Variants in SHOC2 observed in about 807,000 individuals in gnomAD.
SHOC2 encodes the protein SHOC2 leucine rich repeat scaffold protein.
A neutral mutation model predicts 50.2 loss-of-function variants in SHOC2; 4 were observed. The ratio of observed to expected loss-of-function variants is 0.08; its 90% CI spans 0.04 to 0.18. The LOEUF (loss-of-function observed/expected upper bound fraction) is 0.18. Among genes scored for constraint, SHOC2 ranks in the 10% least tolerant of loss-of-function variants. SHOC2 has a pLI of 1.00. For synonymous variants in SHOC2, 218 were observed against 244.5 expected (o/e 0.89, Z 1.01); for missense variants, 388 against 669.6 (o/e 0.58, Z 4.64).
At chr10:110,971,115 A>G (rs1847773412) in intron 2 of SHOC2, among the ~76,000 whole-genome samples, 1 of 152,078 alleles carries the variant, frequency 6.6e-6, no homozygotes, top group Non-Finnish European at 1.5e-5. Context: ...TACCCATAAA[A>G]TCTTTGCCCA....
At chr10:110,992,076 C>A (rs1200863997) in intron 3 of SHOC2, among the ~76,000 whole-genome samples, 5 of 151,830 alleles carry the variant, frequency 3.3e-5, no homozygotes, top group Admixed American at 1.3e-4. Flanking sequence ...TCCTTTTTTT[C>A]TTTTTTCTTA....
At chr10:110,988,952 C>T (rs371630024) in intron 3 of SHOC2, 25 of 513,436 alleles carry the variant, frequency 4.9e-5, no homozygotes, top group Non-Finnish European at 8.3e-5. Context: ...AAAGCAATCG[C>T]GGTTTTTGCT....
Position 110,964,278 on chromosome 10 carries a change from G to T in SHOC2, c.-81G>T. The T allele has an allele frequency of 6.5e-7, 1 of 1,549,748 alleles. No homozygotes were observed. Among genetic ancestry groups the T allele is most frequent in the Non-Finnish European group, 8.7e-7 (1 of 1,150,392 alleles). ...AGCCAGTACTTTTTTGATTGTGTAG[G>T]ATCTTTGTCTCTTCATCTTTGAATT... is the stretch of plus-strand genomic sequence containing the variant. On this transcript the variant is annotated 5_prime_UTR_variant, in exon 2 of 9. Transcript: ENST00000369452. This position sits in a 1 kb window ranked among gnomAD's most constrained non-coding sequence, Gnocchi z 4.9.
chr10:110,933,806 C>G (rs907850414), intron 1 of SHOC2, among the ~76,000 whole-genome samples: 2 of 152,020 alleles, frequency 1.3e-5, no homozygotes, highest in Admixed American at 6.6e-5. Flanking sequence ...GTAGTAAGAC[C>G]CTGTCTCTAA....
chr10:111,000,399 T>G lies in SHOC2; in HGVS notation c.842-16T>G. 2 of 1,613,356 alleles carry G rather than the reference T, an allele frequency of 1.2e-6. No individual in the cohort carries two copies. The highest frequency in any genetic ancestry group is 1.1e-5 in the South Asian group (1 of 91,046). On this transcript the variant is annotated splice_polypyrimidine_tract_variant and intron_variant, in intron 3 of 8. Coordinates refer to ENST00000369452, the MANE Select transcript of SHOC2 (RefSeq NM_007373.4). The stretch of plus-strand genomic sequence containing the variant: ...TTTTGTAAAAAATAAATTTCTTTTT[T>G]TGTGTGTGTTTACAGGAAACCTGTC...
At chr10:110,969,013 T>A (rs1212374577) in intron 2 of SHOC2, among the ~76,000 whole-genome samples, 3 of 152,180 alleles carry the variant, frequency 2.0e-5, no homozygotes, top group Admixed American at 2.0e-4. Context: ...CATATTCACA[T>A]GGGTAAAGAT....
intron 1 of SHOC2, among the ~76,000 whole-genome samples, chr10:110,957,881 C>T (rs1847496975): frequency 6.6e-6 from 1 of 152,152 alleles, no homozygotes; most frequent in Non-Finnish European, 1.5e-5. Context: ...GCAAACTTTG[C>T]CTTTCATGTT....
chr10:110,931,559 A>C (rs1470205369), intron 1 of SHOC2, among the ~76,000 whole-genome samples: 1 of 152,132 alleles, frequency 6.6e-6, no homozygotes. Flanking sequence ...TACAATTGAA[A>C]TCTTGTCATT....
chr10:110,932,413 G>T (rs1273528031), intron 1 of SHOC2, among the ~76,000 whole-genome samples: 1 of 152,160 alleles, frequency 6.6e-6, no homozygotes, highest in East Asian at 1.9e-4. Context: ...TGGGAAAGTG[G>T]ATATGGTGAG....
chr10:111,000,907 C>T (rs1310683120), intron 4 of SHOC2, among the ~76,000 whole-genome samples: 1 of 152,088 alleles, frequency 6.6e-6, no homozygotes, highest in Non-Finnish European at 1.5e-5. Context: ...TCAGCTACCC[C>T]ACCCAGTTCA....
chr10:110,998,094 G>A (rs1208950871), intron 3 of SHOC2, among the ~76,000 whole-genome samples: 1 of 151,510 alleles, frequency 6.6e-6, no homozygotes, highest in Non-Finnish European at 1.5e-5. Flanking sequence ...CCACGTCCTG[G>A]GTTCAAGCCA....
At chr10:111,010,722 T>C (rs1483060921) in intron 8 of SHOC2, among the ~76,000 whole-genome samples, 1 of 152,176 alleles carries the variant, frequency 6.6e-6, no homozygotes, top group African/African-American at 2.4e-5. Flanking sequence ...ATTCAAAATC[T>C]AGCCCTGCTG....
rs148246156 is a variant in SHOC2 at position 111,012,530 on chromosome 10, G to A, written c.*712G>A. The stretch of plus-strand genomic sequence containing the variant: ...AGTTGTGAAGCAAAATACCTGAAGT[G>A]AGTCTTTGGGTAGGGGAAGGGTATT... On this transcript the variant is annotated 3_prime_UTR_variant, in exon 9 of 9. Coordinates refer to ENST00000369452, the MANE Select transcript of SHOC2 (RefSeq NM_007373.4). The A allele has an allele frequency of 2.0e-5, 3 of 152,118 alleles. No individual in the cohort carries two copies. Among genetic ancestry groups the A allele is most frequent in the African/African-American group, 7.2e-5 (3 of 41,416 alleles). 9.4% of individuals were successfully genotyped at this position (152,118 alleles called of 1,614,324 possible). A position where few individuals can be genotyped will look rare whatever the true frequency, so the allele number is the denominator to read the frequency against.
intron 3 of SHOC2, among the ~76,000 whole-genome samples, chr10:110,991,477 A>G (rs891099201): frequency 2.6e-5 from 4 of 152,240 alleles, no homozygotes; most frequent in African/African-American, 9.6e-5. Flanking sequence ...AAAATTTTAA[A>G]TAACATTGCA....
rs1009211311 is a variant in SHOC2 at position 110,937,877 on chromosome 10, A to T, written c.-235+18220A>T. 3.3e-5 allele frequency among the ~76,000 whole-genome samples: 5 copies of T among 152,340 alleles called. No individual in the cohort carries two copies. In the East Asian group the frequency reaches 9.6e-4, roughly 29 times the overall value. ...AGTCTGCAATTAAGAATTAAGCATGAGACTAGAGACTAATGCCTAAAGACT... is the reference window on the plus strand; with the variant it reads ...AGTCTGCAATTAAGAATTAAGCATGTGACTAGAGACTAATGCCTAAAGACT... On this transcript the variant is annotated intron_variant, in intron 1 of 8. Transcript: ENST00000369452.
intron 1 of SHOC2, among the ~76,000 whole-genome samples, chr10:110,922,244 C>T (rs1430750642): frequency 1.3e-5 from 2 of 151,996 alleles, no homozygotes; most frequent in African/African-American, 4.8e-5. Flanking sequence ...AACTGGAATT[C>T]TATGTGGAAT....
intron 1 of SHOC2, among the ~76,000 whole-genome samples, chr10:110,958,115 A>C (rs927264105): frequency 1.3e-5 from 2 of 152,128 alleles, no homozygotes; most frequent in Non-Finnish European, 2.9e-5. Flanking sequence ...TTCCTTCTAA[A>C]ATTTAAATAG....
chr10:111,009,482 A>G (rs1848529101), intron 7 of SHOC2, 97 bp downstream of exon 7: 2 of 1,146,024 alleles, frequency 1.7e-6, no homozygotes, highest in Non-Finnish European at 1.3e-6. Flanking sequence ...CTTGGATCAG[A>G]TAGACTTTCC....
intron 1 of SHOC2, among the ~76,000 whole-genome samples, chr10:110,945,296 G>A (rs1003738539): frequency 3.3e-5 from 5 of 152,130 alleles, no homozygotes; most frequent in African/African-American, 9.7e-5. Flanking sequence ...GCAATAATTT[G>A]GGGAGAATGA....
Sources: gnomAD v4.1 joint callset for allele counts (sites outside exome capture counted in the v4.1 genomes callset) on GRCh38, gnomAD v4.1.1 for gene constraint, Gnocchi (gnomAD v3.1) non-coding constraint, MANE v1.5 for transcripts, NCBI Gene and HGNC (gene_info 2026-07-23, HGNC 2026-07-21) for gene names.